ANKS1A: variants seen among roughly 807,000 people sequenced by gnomAD.
ANKS1A encodes the protein ankyrin repeat and sterile alpha motif domain containing 1A.
ANKS1A carries 55 observed loss-of-function variants against 120.3 expected under a neutral mutation model. That is an observed-to-expected ratio of 0.46 (90% CI 0.37 to 0.57). ANKS1A has a LOEUF of 0.57. Ranked by LOEUF, ANKS1A falls within the 20% of genes least tolerant of loss-of-function variation. The pLI is 0.00. For missense variants in ANKS1A, 1,123 were observed against 1,480.3 expected, an observed-to-expected ratio of 0.76 and a Z score of 3.96; for synonymous variants, 590 against 604.7, an observed-to-expected ratio of 0.98 and a Z score of 0.36.
At chr6:35,000,459 CT>C (rs923297436) in intron 10 of ANKS1A, among the ~76,000 whole-genome samples, 4 of 72,288 alleles carry the variant, frequency 5.5e-5, no homozygotes, top group Non-Finnish European at 1.3e-4. Flanking sequence ...AGAAAGTTCA[CT>C]TAAAAAAAAA....
Position 35,058,804 on chromosome 6 carries a change from C to T in ANKS1A, c.2078-1343C>T, listed in dbSNP as rs1280765670. The T allele has an allele frequency of 6.6e-6, 1 of 152,264 alleles. No individual in the cohort carries two copies. The highest frequency in any genetic ancestry group is 2.1e-4 in the South Asian group (1 of 4,836). 9.4% of individuals were successfully genotyped at this position (152,264 alleles called of 1,614,324 possible). Reference sequence around the variant, plus strand: ...GAGAAGTAGGTTGGGGTTCAGGCATCCAGCTCAGAACATCCAAGGTCTGCC... The same window carrying T: ...GAGAAGTAGGTTGGGGTTCAGGCATTCAGCTCAGAACATCCAAGGTCTGCC... On this transcript the variant is annotated intron_variant, in intron 12 of 23. Coordinates refer to ENST00000360359, the MANE Select transcript of ANKS1A (RefSeq NM_015245.3). This position sits in a 1 kb window ranked among gnomAD's most constrained non-coding sequence, Gnocchi z 5.1.
At chr6:35,026,879 G>A (rs1215802241) in intron 11 of ANKS1A, among the ~76,000 whole-genome samples, 1 of 151,580 alleles carries the variant, frequency 6.6e-6, no homozygotes, top group African/African-American at 2.4e-5. Flanking sequence ...AAGCTGTTGG[G>A]TGCATGCTTT....
chr6:34,969,694 TG>T (rs2127511721), intron 2 of ANKS1A, among the ~76,000 whole-genome samples: 1 of 152,302 alleles, frequency 6.6e-6, no homozygotes, highest in South Asian at 2.1e-4. Flanking sequence ...TGTTTAAACA[TG>T]ATAAACAAGG....
Position 34,982,938 on chromosome 6 carries a change from A to G in ANKS1A, c.808+111A>G, listed in dbSNP as rs935017581. ...CTGTGTTTGAACTCAATGTATGTGT[A>G]TCTCCACTGGTTGATTACAAGTGTG... is the stretch of plus-strand genomic sequence containing the variant. On this transcript the variant is annotated intron_variant, in intron 5 of 23. Coordinates refer to ENST00000360359, the MANE Select transcript of ANKS1A (RefSeq NM_015245.3). The surrounding 1 kb of genome is among the most constrained non-coding windows in gnomAD (Gnocchi z 4.9). 3.0e-6 allele frequency: 4 copies of G among 1,347,182 alleles called. No individual in the cohort carries two copies. The highest frequency in any genetic ancestry group is 4.6e-5 in the East Asian group (2 of 43,506). 83.5% of individuals were successfully genotyped at this position (1,347,182 alleles called of 1,614,324 possible).
chr6:34,936,933 C>G (rs1428880405), intron 1 of ANKS1A, among the ~76,000 whole-genome samples: 1 of 152,144 alleles, frequency 6.6e-6, no homozygotes, highest in Non-Finnish European at 1.5e-5. Flanking sequence ...TGCTGGATAC[C>G]TAGCAGATAC....
At position 35,088,656 on chromosome 6, in the gene ANKS1A, A is replaced by G. The variant is rs1230239435; in HGVS notation, c.*47A>G. 1.2e-6 allele frequency: 2 copies of G among 1,614,130 alleles called. No homozygotes were observed. Reference sequence around the variant, plus strand: ...GCTGCGGAAACATAGACGTGGGGGCATAGGCTCCCACTGCCACCACCGCCA... The same window carrying G: ...GCTGCGGAAACATAGACGTGGGGGCGTAGGCTCCCACTGCCACCACCGCCA... On this transcript the variant is annotated 3_prime_UTR_variant, in exon 24 of 24. Coordinates refer to ENST00000360359, the MANE Select transcript of ANKS1A (RefSeq NM_015245.3).
chr6:35,015,784 C>G (rs1370227216), intron 10 of ANKS1A, among the ~76,000 whole-genome samples: 1 of 152,222 alleles, frequency 6.6e-6, no homozygotes, highest in Non-Finnish European at 1.5e-5. Context: ...TTGAAAAAAC[C>G]ACTGTTGCAG....
At chr6:35,094,318 A>G (rs1331994958), downstream of ANKS1A, among the ~76,000 whole-genome samples, 1 of 152,196 alleles carries the variant, frequency 6.6e-6, no homozygotes, top group South Asian at 2.1e-4. Context: ...ACAAACCTGT[A>G]GTCCCAGCTA....
chr6:34,958,470 G>A (rs575066138), intron 1 of ANKS1A, among the ~76,000 whole-genome samples: 3 of 152,146 alleles, frequency 2.0e-5, no homozygotes, highest in South Asian at 2.1e-4. Flanking sequence ...CACCTGCTCA[G>A]CATAATGATG....
intron 1 of ANKS1A, among the ~76,000 whole-genome samples, chr6:34,949,651 T>C (rs1458676515): frequency 6.6e-6 from 1 of 152,182 alleles, no homozygotes; most frequent in Non-Finnish European, 1.5e-5. Context: ...AATTGACTCA[T>C]TGACTTCCCC....
rs554382815 is a variant in ANKS1A, at chr6:35,044,857, G to A, written c.2011-9242G>A. ...TGGCAAGTACAAGCCCTGTCTAATCGCTGTAAACTGAAATGTGCAAGGGAG... is the reference window on the plus strand; with the variant it reads ...TGGCAAGTACAAGCCCTGTCTAATCACTGTAAACTGAAATGTGCAAGGGAG... On this transcript the variant is annotated intron_variant, in intron 11 of 23. Coordinates refer to ENST00000360359, the MANE Select transcript of ANKS1A (RefSeq NM_015245.3). The surrounding 1 kb of genome is among the most constrained non-coding windows in gnomAD (Gnocchi z 4.4). Among the ~76,000 whole-genome samples the A allele has an allele frequency of 2.0e-5, 3 of 152,282 alleles. No homozygotes were observed. The highest frequency in any genetic ancestry group is 4.8e-5 in the African/African-American group (2 of 41,544).
rs1776341863 is a variant in ANKS1A, at chr6:35,058,907, T to C, written c.2078-1240T>C. Among the ~76,000 whole-genome samples the C allele has an allele frequency of 2.0e-5, 3 of 152,020 alleles. No homozygotes were observed. The highest frequency in any genetic ancestry group is 2.9e-5 in the Non-Finnish European group (2 of 68,002). On this transcript the variant is annotated intron_variant, in intron 12 of 23. Transcript: ENST00000360359. The surrounding 1 kb of genome is among the most constrained non-coding windows in gnomAD (Gnocchi z 5.1). ...CGAGGAGCAAATAGATGTCCTCCCT[T>C]CCCTGCTCATCCTTAGAGGAGAACG...
In ANKS1A at chr6:34,982,277, C is replaced by T. The variant is rs1031158612; in HGVS notation, c.732+291C>T. Among the ~76,000 whole-genome samples, 2 of 152,200 alleles carry T rather than the reference C, an allele frequency of 1.3e-5. No homozygotes were observed. Among genetic ancestry groups the T allele is most frequent in the Non-Finnish European group, 2.9e-5 (2 of 68,042 alleles). ...AGAAAAGTTTCATTATCTTCCTATCCATGTGTTCCCACTGCCACCATTTAG... is the reference window on the plus strand; with the variant it reads ...AGAAAAGTTTCATTATCTTCCTATCTATGTGTTCCCACTGCCACCATTTAG... On this transcript the variant is annotated intron_variant, in intron 4 of 23. Coordinates refer to ENST00000360359, the MANE Select transcript of ANKS1A (RefSeq NM_015245.3). The surrounding 1 kb of genome is among the most constrained non-coding windows in gnomAD (Gnocchi z 4.9).
At position 35,082,426 on chromosome 6, in the gene ANKS1A, G is replaced by A. The variant is rs924740995; in HGVS notation, c.2710-265G>A. ...TCTGGTCATTTCCCATCTCCTTTGA[G>A]ACTCATCTCGGACACCACAGAGACT... On this transcript the variant is annotated intron_variant, in intron 17 of 23. Coordinates refer to ENST00000360359, the MANE Select transcript of ANKS1A (RefSeq NM_015245.3). The surrounding 1 kb of genome is among the most constrained non-coding windows in gnomAD (Gnocchi z 4.1). Among the ~76,000 whole-genome samples the A allele has an allele frequency of 3.3e-5, 5 of 151,914 alleles. No homozygotes were observed. Among genetic ancestry groups the A allele is most frequent in the African/African-American group, 1.2e-4 (5 of 41,338 alleles).
At chr6:34,942,957 C>CTTTCCTTTTCCT (rs1028643256) in intron 1 of ANKS1A, among the ~76,000 whole-genome samples, 15 of 149,858 alleles carry the variant, frequency 1.0e-4, no homozygotes, top group African/African-American at 3.4e-4. Context: ...CCCCTTTCCC[C>CTTTCCTTTTCCT]TTTCCTTTTC....
Position 35,085,665 on chromosome 6 carries a change from G to A in ANKS1A, c.3133-101G>A. 1.6e-6 allele frequency: 2 copies of A among 1,285,894 alleles called. No homozygotes were observed. Among genetic ancestry groups the A allele is most frequent in the Non-Finnish European group, 2.1e-6 (2 of 950,168 alleles). The allele number at this position is 1,285,894 out of a possible 1,614,324, so 79.7% of individuals were successfully genotyped here. A position where few individuals can be genotyped will look rare whatever the true frequency, so the allele number is the denominator to read the frequency against. On this transcript the variant is annotated intron_variant, in intron 21 of 23. Coordinates refer to ENST00000360359, the MANE Select transcript of ANKS1A (RefSeq NM_015245.3). This position sits in a 1 kb window ranked among gnomAD's most constrained non-coding sequence, Gnocchi z 4.7. ...TGGAAGGAGGTAGGAGCGCTCCCGGGTAGACTTAGAGGGGGACACATGGTC... is the reference window on the plus strand; with the variant it reads ...TGGAAGGAGGTAGGAGCGCTCCCGGATAGACTTAGAGGGGGACACATGGTC...
chr6:35,083,503 GGTGTGCT>G lies in ANKS1A; in HGVS notation c.2994+2_2994+8del. The G allele has an allele frequency of 6.2e-7, 1 of 1,613,884 alleles. No individual in the cohort carries two copies. Among genetic ancestry groups the G allele is most frequent in the Non-Finnish European group, 8.5e-7 (1 of 1,179,854 alleles). ...TCAAGTTCATCGATGCCTCCAACAA[GGTGTGCT>G]GCTTACAGGGACTCTTGGTGGGAGT... On this transcript the variant is annotated splice_donor_variant and splice_donor_5th_base_variant and intron_variant, in intron 20 of 23. Coordinates refer to ENST00000360359, the MANE Select transcript of ANKS1A (RefSeq NM_015245.3). LOFTEE classifies it high-confidence loss of function.
chr6:34,895,772 A>G (rs1202512740), intron 1 of ANKS1A, among the ~76,000 whole-genome samples: 1 of 136,792 alleles, frequency 7.3e-6, no homozygotes, highest in Non-Finnish European at 1.5e-5. Flanking sequence ...TTTTTCAAGA[A>G]TGTCTTTCTT....
chr6:34,951,815 A>C (rs1327722269), intron 1 of ANKS1A, among the ~76,000 whole-genome samples: 1 of 152,190 alleles, frequency 6.6e-6, no homozygotes, highest in Non-Finnish European at 1.5e-5. Context: ...ATGTTAATGG[A>C]AGTCTCTCAG....
Sources: allele counts gnomAD v4.1 joint callset (sites outside exome capture counted in the v4.1 genomes callset), GRCh38; gene constraint gnomAD v4.1.1; non-coding constraint Gnocchi (gnomAD v3.1); transcripts MANE v1.5; gene names NCBI Gene and HGNC (gene_info 2026-07-23, HGNC 2026-07-21).